SRPK2: variants seen among roughly 807,000 people sequenced by gnomAD.
SRPK2 encodes SRSF protein kinase 2.
In SRPK2, 21 loss-of-function variants were observed where a neutral mutation model predicts 90.8. The ratio of observed to expected loss-of-function variants is 0.23; its 90% confidence interval spans 0.16 to 0.33. The LOEUF (loss-of-function observed/expected upper bound fraction) is 0.33. SRPK2 is among the 10% of genes least tolerant of loss of function. The pLI is 1.00. For synonymous variants in SRPK2, 288 were observed against 311.1 expected (o/e 0.93, Z 0.78); for missense variants, 620 against 869.0 (o/e 0.71, Z 3.60).
chr7:105,304,790 A>G (rs1034659182), intron 2 of SRPK2, among the ~76,000 whole-genome samples: 1 of 152,190 alleles, frequency 6.6e-6, no homozygotes, highest in African/African-American at 2.4e-5. Context: ...TAGACAATCC[A>G]CTGTGAAAAC....
chr7:105,345,092 C>T (rs1816299559), intron 2 of SRPK2, among the ~76,000 whole-genome samples: 1 of 150,778 alleles, frequency 6.6e-6, no homozygotes, highest in South Asian at 2.1e-4. Context: ...GCCAAGATCG[C>T]ACCATTGCAC....
chr7:105,263,335 G>A lies in SRPK2; in HGVS notation c.72-59550C>T, dbSNP rs1267986883. ...AAAACTCCATTTCAAAAAAAAAAAA[G>A]AAAAAGAAATGCTCATAGCAGCACT... is the stretch of plus-strand genomic sequence containing the variant. On this transcript the variant is annotated intron_variant, in intron 2 of 15. Coordinates refer to ENST00000393651, the MANE Select transcript of SRPK2 (RefSeq NM_182692.3). Among the ~76,000 whole-genome samples, 12 of 150,638 alleles carry A rather than the reference G, an allele frequency of 8.0e-5. No homozygotes were observed. The East Asian group carries it at 1.9e-3, about 24-fold the overall frequency.
At chr7:105,173,138 C>T (rs569610377) in intron 3 of SRPK2, among the ~76,000 whole-genome samples, 18 of 151,814 alleles carry the variant, frequency 1.2e-4, no homozygotes, top group African/African-American at 3.6e-4. Context: ...TAAAGAGATG[C>T]GGGCTAGCTC....
intron 7 of SRPK2, among the ~76,000 whole-genome samples, chr7:105,159,736 T>G (rs1807280347): frequency 6.6e-6 from 1 of 152,216 alleles, no homozygotes; most frequent in South Asian, 2.1e-4. Flanking sequence ...TGACCCTAGC[T>G]GAGGGTTTTC....
chr7:105,169,525 G>A (rs968441823), intron 3 of SRPK2, among the ~76,000 whole-genome samples: 6 of 152,078 alleles, frequency 3.9e-5, no homozygotes, highest in African/African-American at 1.4e-4. Flanking sequence ...TCAGGAGTAC[G>A]AGACCAGCCT....
intron 2 of SRPK2, among the ~76,000 whole-genome samples, chr7:105,228,169 G>A (rs557019573): frequency 1.1e-4 from 17 of 152,108 alleles, no homozygotes; most frequent in Non-Finnish European, 2.5e-4. Context: ...GATTAGAGAT[G>A]TGGGCCATGG....
chr7:105,330,130 G>T (rs1022099690), intron 2 of SRPK2, among the ~76,000 whole-genome samples: 1 of 152,014 alleles, frequency 6.6e-6, no homozygotes, highest in East Asian at 1.9e-4. Context: ...ACAAGGTCAA[G>T]AGATTGAGAC....
intron 2 of SRPK2, among the ~76,000 whole-genome samples, chr7:105,374,170 G>A (rs1479708390): frequency 2.0e-5 from 3 of 151,920 alleles, no homozygotes; most frequent in South Asian, 4.1e-4. Flanking sequence ...CAAGTGATCT[G>A]CCCACCTTGG....
At chr7:105,195,388 C>T (rs1227915389) in intron 3 of SRPK2, among the ~76,000 whole-genome samples, 6 of 152,188 alleles carry the variant, frequency 3.9e-5, no homozygotes, top group Non-Finnish European at 7.3e-5. Context: ...GATTATAACA[C>T]CAGGATTCTG....
chr7:105,389,466 G>A, upstream of SRPK2: 1 of 1,143,314 alleles, frequency 8.7e-7, no homozygotes, highest in Non-Finnish European at 1.1e-6. Context: ...CCTTGGAGAA[G>A]TCATTTTCTC....
intron 3 of SRPK2, among the ~76,000 whole-genome samples, chr7:105,197,459 C>G (rs1795054464): frequency 6.6e-6 from 1 of 152,146 alleles, no homozygotes; most frequent in Admixed American, 6.5e-5. Context: ...AGTCAGCATG[C>G]CAGCCTGCTC....
intron 3 of SRPK2, among the ~76,000 whole-genome samples, chr7:105,183,225 T>C (rs965116500): frequency 6.6e-6 from 1 of 152,222 alleles, no homozygotes; most frequent in African/African-American, 2.4e-5. Flanking sequence ...AAAAATTTTC[T>C]TCAATATACT....
At chr7:105,225,350 G>A (rs1045689894) in intron 2 of SRPK2, among the ~76,000 whole-genome samples, 8 of 152,256 alleles carry the variant, frequency 5.3e-5, no homozygotes, top group Admixed American at 2.0e-4. Context: ...GGTTCTTAAC[G>A]CTAGAGCAAG....
chr7:105,255,182 T>C (rs1265336007), intron 2 of SRPK2, among the ~76,000 whole-genome samples: 3 of 150,820 alleles, frequency 2.0e-5, no homozygotes, highest in Non-Finnish European at 4.4e-5. Flanking sequence ...AGGAAAAGGT[T>C]TGGTTCTACC....
At chr7:105,331,334 A>C (rs960227526) in intron 2 of SRPK2, among the ~76,000 whole-genome samples, 10 of 145,940 alleles carry the variant, frequency 6.9e-5, no homozygotes, top group African/African-American at 2.7e-5. Flanking sequence ...AAAAAAAAAA[A>C]AAACAAATAG....
At chr7:105,198,597 G>A (rs1319669685) in intron 3 of SRPK2, among the ~76,000 whole-genome samples, 1 of 152,138 alleles carries the variant, frequency 6.6e-6, no homozygotes, top group East Asian at 1.9e-4. Context: ...CACGGTCAGG[G>A]AGTTAAGGGA....
At chr7:105,235,558 C>T (rs570702019) in intron 2 of SRPK2, among the ~76,000 whole-genome samples, 17 of 152,206 alleles carry the variant, frequency 1.1e-4, no homozygotes, top group African/African-American at 3.6e-4. Flanking sequence ...TACTCATTCT[C>T]GTTCATGTCA....
chr7:105,148,807 G>A (rs930640821), intron 7 of SRPK2, among the ~76,000 whole-genome samples: 3 of 152,164 alleles, frequency 2.0e-5, no homozygotes, highest in Non-Finnish European at 4.4e-5. Flanking sequence ...ACCCAACCTG[G>A]AGCTCACAAA....
intron 2 of SRPK2, among the ~76,000 whole-genome samples, chr7:105,331,337 A>AAAAAAAAAAAAAG (rs1554512429): frequency 7.1e-6 from 1 of 141,830 alleles, no homozygotes; most frequent in Admixed American, 7.0e-5. Flanking sequence ...AAAAAAAAAA[A>AAAAAAAAAAAAAG]CAAATAGTTA....
Sources: gnomAD v4.1 joint callset for allele counts (sites outside exome capture counted in the v4.1 genomes callset) on GRCh38, gnomAD v4.1.1 for gene constraint, MANE v1.5 for transcripts, NCBI Gene and HGNC (gene_info 2026-07-23, HGNC 2026-07-21) for gene names.